SLC25A48: variants seen among roughly 807,000 people sequenced by gnomAD.
The protein encoded by SLC25A48 is solute carrier family 25 member 48.
A neutral mutation model predicts 32.2 loss-of-function variants in SLC25A48; 29 were observed. The observed-to-expected ratio is 0.90, with a 90% CI of 0.67 to 1.23. The LOEUF (loss-of-function observed/expected upper bound fraction) is 1.23. Among genes scored for constraint, SLC25A48 ranks in the 50% most tolerant of loss-of-function variants. SLC25A48 has a pLI of 0.00. For synonymous variants in SLC25A48, 164 were observed against 172.3 expected (o/e 0.95, Z 0.38); for missense variants, 399 against 422.7 (o/e 0.94, Z 0.49).
At position 135,721,192 on chromosome 5, in the gene SLC25A48, C is replaced by CTTTTTTTTTTT. The variant is rs757412641; in HGVS notation, c.-521+86255_-521+86265dup. 3.0e-3 allele frequency among the ~76,000 whole-genome samples: 162 copies of CTTTTTTTTTTT among 53,884 alleles called. 20 individuals carry two copies. Among genetic ancestry groups the CTTTTTTTTTTT allele is most frequent in the Non-Finnish European group, 5.1e-3 (121 of 23,718 alleles). The allele number at this position is 53,884 out of a possible 152,430, so 35.3% of individuals were successfully genotyped here. On this transcript the variant is annotated intron_variant, in intron 3 of 10. Transcript: ENST00000646290. ...GAGTAGCTGGGACACCATGCCTGGC[C>CTTTTTTTTTTT]TTTTTTTTTTTTTTTTTTTTTTTTT...
intron 3 of SLC25A48, among the ~76,000 whole-genome samples, chr5:135,756,994 TATA>T (rs1167120161): frequency 2.7e-5 from 4 of 150,634 alleles, no homozygotes; most frequent in South Asian, 2.1e-4. Context: ...ATATCATCTA[TATA>T]ATATTTACAA....
At chr5:135,822,623 AC>A (rs1757921298) in intron 4 of SLC25A48, among the ~76,000 whole-genome samples, 2 of 152,180 alleles carry the variant, frequency 1.3e-5, no homozygotes, top group African/African-American at 4.8e-5. Flanking sequence ...GCCCACCCTG[AC>A]CCGGTGTGAC....
At chr5:135,634,443 C>T (rs1752651647) in intron 2 of SLC25A48, among the ~76,000 whole-genome samples, 1 of 152,210 alleles carries the variant, frequency 6.6e-6, no homozygotes, top group African/African-American at 2.4e-5. Flanking sequence ...TAAGATATGT[C>T]CAGCTTATGT....
chr5:135,796,202 TATCC>T (rs1267492584), intron 3 of SLC25A48, among the ~76,000 whole-genome samples: 1 of 151,570 alleles, frequency 6.6e-6, no homozygotes, highest in African/African-American at 2.4e-5. Flanking sequence ...TGGTTCGCAA[TATCC>T]ATGGAAGAGA....
chr5:135,625,716 C>T lies in SLC25A48; in HGVS notation c.-848-3521C>T, dbSNP rs535771151. The stretch of plus-strand genomic sequence containing the variant: ...TGTTTTTAAGGCCTTCTGAGGTGCC[C>T]CCAGGTAGAACAGGGGGAAGAAGGT... On this transcript the variant is annotated intron_variant, in intron 1 of 10. Coordinates refer to the SLC25A48 transcript ENST00000646290. Among the ~76,000 whole-genome samples, 8 of 152,126 alleles carry T rather than the reference C, an allele frequency of 5.3e-5. No homozygotes were observed. The South Asian group carries it at 6.2e-4, about 12-fold the overall frequency.
In SLC25A48 at chr5:135,782,908, G is replaced by T. The variant is rs1389502195; in HGVS notation, c.-520-29615G>T. On this transcript the variant is annotated intron_variant, in intron 3 of 10. Transcript: ENST00000646290. ...GTGACATTGGTTCAAAATCCAGGGGGTGAGAAGATGATATTACTCCCAATA... is the reference window on the plus strand; with the variant it reads ...GTGACATTGGTTCAAAATCCAGGGGTTGAGAAGATGATATTACTCCCAATA... Among the ~76,000 whole-genome samples the T allele has an allele frequency of 1.9e-5, 2 of 102,742 alleles. 1 individual carries two copies. Among genetic ancestry groups the T allele is most frequent in the East Asian group, 4.9e-4 (2 of 4,114 alleles). The allele number at this position is 102,742 out of a possible 152,430, so 67.4% of individuals were successfully genotyped here. A position where few individuals can be genotyped will look rare whatever the true frequency, so the allele number is the denominator to read the frequency against.
At chr5:135,791,541 T>C (rs1025206918) in intron 3 of SLC25A48, among the ~76,000 whole-genome samples, 6 of 151,698 alleles carry the variant, frequency 4.0e-5, no homozygotes, top group Admixed American at 1.3e-4. Flanking sequence ...TCATTCATAA[T>C]ATCCTAGGAG....
At chr5:135,866,547 ATGGCTGTATTGGTACC>A (rs1761218080) in intron 4 of SLC25A48, among the ~76,000 whole-genome samples, 1 of 152,084 alleles carries the variant, frequency 6.6e-6, no homozygotes, top group Non-Finnish European at 1.5e-5. Context: ...CCCCTAAGAG[ATGGCTGTATTGGTACC>A]TGTTAGGATT....
At chr5:135,731,695 G>A (rs1447208904) in intron 3 of SLC25A48, among the ~76,000 whole-genome samples, 1 of 152,206 alleles carries the variant, frequency 6.6e-6, no homozygotes, top group Non-Finnish European at 1.5e-5. Flanking sequence ...ATAAGAGAAG[G>A]AGAAAAACAG....
At chr5:135,775,855 T>G (rs1307007181) in intron 3 of SLC25A48, among the ~76,000 whole-genome samples, 1 of 151,502 alleles carries the variant, frequency 6.6e-6, no homozygotes, top group Non-Finnish European at 1.5e-5. Context: ...GCCCCTTTTG[T>G]GATATTGTTT....
intron 3 of SLC25A48, among the ~76,000 whole-genome samples, chr5:135,791,789 A>G (rs967231751): frequency 6.6e-6 from 1 of 151,596 alleles, no homozygotes; most frequent in Non-Finnish European, 1.5e-5. Flanking sequence ...ATTATTTGTA[A>G]TACCCTAGGA....
intron 1 of SLC25A48, among the ~76,000 whole-genome samples, chr5:135,839,899 C>T (rs1758846905): frequency 6.6e-6 from 1 of 152,214 alleles, no homozygotes; most frequent in African/African-American, 2.4e-5. Flanking sequence ...TAAGACATGA[C>T]TTGCTCCTTC....
At chr5:135,767,182 G>A (rs35135013) in intron 3 of SLC25A48, among the ~76,000 whole-genome samples, 46,419 of 128,512 alleles carry the variant, frequency 0.36, 7,364 homozygotes, top group East Asian at 0.49. Context: ...TTTCAGGACA[G>A]GTACACCCCC....
chr5:135,603,831 C>T lies in SLC25A48; in HGVS notation c.-849+24234C>T, dbSNP rs185523478. Among the ~76,000 whole-genome samples, 1,049 of 151,716 alleles carry T rather than the reference C, an allele frequency of 6.9e-3. 17 individuals are homozygous for T. The highest frequency in any genetic ancestry group is 0.025 in the African/African-American group (1,012 of 41,252). On this transcript the variant is annotated intron_variant, in intron 1 of 10. Coordinates refer to the SLC25A48 transcript ENST00000646290. ...CCCTACAAGGCTCTGTGACCATGAT[C>T]GGGCACCCTCTGTCACCTCCACTGT...
At chr5:135,596,007 C>T (rs1020432692) in intron 1 of SLC25A48, among the ~76,000 whole-genome samples, 3 of 152,186 alleles carry the variant, frequency 2.0e-5, no homozygotes, top group Non-Finnish European at 4.4e-5. Flanking sequence ...TGGGCATCTC[C>T]ACCTGTCACT....
intron 3 of SLC25A48, among the ~76,000 whole-genome samples, chr5:135,754,497 TAATAA>T (rs1232059398): frequency 6.6e-6 from 1 of 151,964 alleles, no homozygotes; most frequent in Non-Finnish European, 1.5e-5. Context: ...ACTGTGATAT[TAATAA>T]AATATCACTC....
chr5:135,828,649 G>A (rs1758127170), intron 4 of SLC25A48, among the ~76,000 whole-genome samples: 1 of 152,226 alleles, frequency 6.6e-6, no homozygotes, highest in Non-Finnish European at 1.5e-5. Context: ...GGCTATGGAG[G>A]TTCATCCAGG....
intron 3 of SLC25A48, chr5:135,650,668 C>T (rs1459419311): frequency 3.1e-6 from 1 of 322,668 alleles, no homozygotes; most frequent in Non-Finnish European, 6.1e-6. Flanking sequence ...AGAAGGTGCT[C>T]ATTTCAATGT....
intron 1 of SLC25A48, among the ~76,000 whole-genome samples, chr5:135,595,880 G>A (rs555589989): frequency 5.3e-5 from 8 of 152,084 alleles, no homozygotes; most frequent in African/African-American, 1.2e-4. Context: ...ATTCACACAC[G>A]CATCAGTATA....
Sources: gnomAD v4.1 joint callset for allele counts (sites outside exome capture counted in the v4.1 genomes callset) on GRCh38, gnomAD v4.1.1 for gene constraint, MANE v1.5 for transcripts, NCBI Gene and HGNC (gene_info 2026-07-23, HGNC 2026-07-21) for gene names.